IMMP2L: variants seen among roughly 807,000 people sequenced by gnomAD.
The protein encoded by IMMP2L is inner mitochondrial membrane peptidase subunit 2.
A neutral mutation model predicts 19.3 loss-of-function variants in IMMP2L; 18 were observed. The observed-to-expected ratio is 0.93, with a 90% CI of 0.64 to 1.38. The LOEUF (loss-of-function observed/expected upper bound fraction) is 1.38, where lower values mean the gene tolerates loss of function less well. Among genes scored for constraint, IMMP2L ranks in the 40% most tolerant of loss-of-function variants. The pLI is 0.00. For missense variants in IMMP2L, 233 were observed against 218.2 expected (o/e 1.07, Z -0.43); for synonymous variants, 76 against 73.0 (o/e 1.04, Z -0.21).
chr7:111,075,697 C>G (rs562892042), intron 3 of IMMP2L, among the ~76,000 whole-genome samples: 182 of 152,220 alleles, frequency 1.2e-3, no homozygotes, highest in Non-Finnish European at 2.2e-3. Flanking sequence ...TGCCCGAGGT[C>G]AGACTCTCAG....
chr7:110,942,424 G>A (rs910359464), intron 4 of IMMP2L, among the ~76,000 whole-genome samples: 2 of 151,750 alleles, frequency 1.3e-5, no homozygotes, highest in African/African-American at 4.8e-5. Flanking sequence ...CTAGTTTTAC[G>A]AACTTGGTCT....
At chr7:111,043,731 T>G (rs564232281) in intron 3 of IMMP2L, among the ~76,000 whole-genome samples, 1 of 152,352 alleles carries the variant, frequency 6.6e-6, no homozygotes, top group African/African-American at 2.4e-5. Context: ...TCCTGCCATC[T>G]CTACAGAGGT....
intron 3 of IMMP2L, among the ~76,000 whole-genome samples, chr7:111,260,754 C>T (rs747619484): frequency 2.0e-5 from 3 of 151,822 alleles, no homozygotes; most frequent in East Asian, 1.9e-4. Flanking sequence ...AGTATACAAT[C>T]GAAACAGGTA....
At chr7:111,216,134 T>C (rs1811900629) in intron 3 of IMMP2L, among the ~76,000 whole-genome samples, 1 of 152,160 alleles carries the variant, frequency 6.6e-6, no homozygotes, top group Non-Finnish European at 1.5e-5. Context: ...GTAATTATCT[T>C]CTCTGTCACT....
At chr7:110,736,419 C>T (rs1417503163) in intron 5 of IMMP2L, among the ~76,000 whole-genome samples, 2 of 152,178 alleles carry the variant, frequency 1.3e-5, no homozygotes, top group Admixed American at 6.5e-5. Context: ...GGCAGGACTA[C>T]TTCCAAGACC....
chr7:111,154,746 T>G (rs1438656912), intron 3 of IMMP2L, among the ~76,000 whole-genome samples: 1 of 152,088 alleles, frequency 6.6e-6, no homozygotes, highest in African/African-American at 2.4e-5. Flanking sequence ...TTCGGTTTCC[T>G]TTCTTTGTTG....
chr7:111,530,627 C>T (rs1475856202), intron 1 of IMMP2L, among the ~76,000 whole-genome samples: 1 of 150,478 alleles, frequency 6.6e-6, no homozygotes, highest in African/African-American at 2.4e-5. Flanking sequence ...ATATAATATT[C>T]ATTGAGGAAA....
chr7:110,749,079 G>A (rs1018535573), intron 5 of IMMP2L, among the ~76,000 whole-genome samples: 1 of 152,098 alleles, frequency 6.6e-6, no homozygotes, highest in Non-Finnish European at 1.5e-5. Flanking sequence ...TCAAAAAGTG[G>A]GCAAAGGATA....
At chr7:111,390,628 T>A (rs1156653420) in intron 3 of IMMP2L, 1 of 152,148 alleles carries the variant, frequency 6.6e-6, no homozygotes, top group African/African-American at 2.4e-5. Context: ...TAGCCAAATA[T>A]AAAAGATAAT....
intron 3 of IMMP2L, among the ~76,000 whole-genome samples, chr7:111,178,492 A>G (rs1249200010): frequency 6.6e-6 from 1 of 152,068 alleles, no homozygotes; most frequent in Non-Finnish European, 1.5e-5. Flanking sequence ...TCCTTTCATG[A>G]AAGATTTTTT....
intron 3 of IMMP2L, among the ~76,000 whole-genome samples, chr7:111,147,454 GA>G (rs781660735): frequency 6.6e-6 from 1 of 152,072 alleles, no homozygotes; most frequent in Non-Finnish European, 1.5e-5. Flanking sequence ...TTGTAAACTG[GA>G]AGGGTTACAT....
At chr7:111,016,621 C>G (rs1563162511) in intron 3 of IMMP2L, among the ~76,000 whole-genome samples, 1 of 105,750 alleles carries the variant, frequency 9.5e-6, no homozygotes. Flanking sequence ...ATAATATATA[C>G]ATATATATAA....
intron 5 of IMMP2L, among the ~76,000 whole-genome samples, chr7:110,796,507 A>C (rs1409063170): frequency 6.6e-6 from 1 of 151,858 alleles, no homozygotes; most frequent in Non-Finnish European, 1.5e-5. Flanking sequence ...TCTAACAAAA[A>C]CTCTCCAGTT....
chr7:111,264,052 A>G (rs926211621), intron 3 of IMMP2L, among the ~76,000 whole-genome samples: 1 of 152,170 alleles, frequency 6.6e-6, no homozygotes, highest in African/African-American at 2.4e-5. Flanking sequence ...AGATGGACTT[A>G]GTGAGTACAG....
At chr7:111,514,839 C>T (rs1845743457) in intron 2 of IMMP2L, among the ~76,000 whole-genome samples, 1 of 151,832 alleles carries the variant, frequency 6.6e-6, no homozygotes. Flanking sequence ...AATATTCATA[C>T]TATGAGGATA....
At chr7:110,699,104 C>T (rs1794080159) in intron 5 of IMMP2L, among the ~76,000 whole-genome samples, 2 of 152,184 alleles carry the variant, frequency 1.3e-5, no homozygotes, top group Non-Finnish European at 2.9e-5. Context: ...AACTTGGCAT[C>T]CACTGAGGAA....
intron 3 of IMMP2L, among the ~76,000 whole-genome samples, chr7:111,480,372 T>A (rs1842075868): frequency 6.6e-6 from 1 of 151,908 alleles, no homozygotes; most frequent in African/African-American, 2.4e-5. Context: ...GAGCCACTGT[T>A]CCCGGCCAAG....
chr7:110,811,072 G>A (rs1414509368), intron 5 of IMMP2L, among the ~76,000 whole-genome samples: 2 of 151,900 alleles, frequency 1.3e-5, no homozygotes, highest in South Asian at 2.1e-4. Flanking sequence ...CCAGGCTCTG[G>A]CTTCTGATAC....
At chr7:111,534,885 T>C (rs1847741909) in intron 1 of IMMP2L, among the ~76,000 whole-genome samples, 1 of 152,080 alleles carries the variant, frequency 6.6e-6, no homozygotes, top group South Asian at 2.1e-4. Flanking sequence ...TAAAATAGAA[T>C]AAAATCAACA....
Sources: allele counts gnomAD v4.1 joint callset (sites outside exome capture counted in the v4.1 genomes callset), GRCh38; gene constraint gnomAD v4.1.1; transcripts MANE v1.5; gene names NCBI Gene and HGNC (gene_info 2026-07-23, HGNC 2026-07-21).